Variants in COX15 observed in about 807,000 individuals in gnomAD.
COX15 encodes the protein cytochrome c oxidase assembly factor COX15, also known as heme A synthase COX15.
COX15 carries 51 observed loss-of-function variants against 51.9 expected under a neutral mutation model. The observed-to-expected ratio is 0.98, with a 90% CI of 0.78 to 1.24. The LOEUF is 1.24. COX15 is among the 50% of genes most tolerant of loss of function. The pLI is 0.00. For synonymous variants in COX15, 188 were observed against 190.5 expected (o/e 0.99, Z 0.11); for missense variants, 420 against 501.1 (o/e 0.84, Z 1.55).
Position 99,724,066 on chromosome 10 carries a change from C to T in COX15, c.640G>A (p.Asp214Asn), listed in dbSNP as rs1222613594. The change falls in exon 5 of 9, where the codon GAC becomes AAC. Residue 214 changes from aspartate (D) to asparagine (N), a missense_variant. By Grantham distance (23) the Asp-to-Asn change is conservative (BLOSUM62 1). Transcript: ENST00000016171. ...SGLEEKSDSH[D>N]IPRVSQYRLA... The stretch of plus-strand genomic sequence containing the variant: ...CGGTACTGACTGACCCGAGGGATGT[C>T]ATGGGAGTCTGATTTTTCTTCTAGT... 17 of 1,614,026 alleles carry T rather than the reference C, an allele frequency of 1.1e-5. No individual in the cohort carries two copies. The highest frequency in any genetic ancestry group is 1.4e-5 in the Non-Finnish European group (16 of 1,180,032).
chr10:99,702,235 C>A, the COX15 span, among the ~76,000 whole-genome samples: 130,700 of 152,026 alleles, frequency 0.86, 56,260 homozygotes, highest in Middle Eastern at 0.92. Context: ...CCCAAACATC[C>A]TATAATTACA....
At chr10:99,701,890 A>T in the COX15 span, among the ~76,000 whole-genome samples, 1 of 151,898 alleles carries the variant, frequency 6.6e-6, no homozygotes, top group Non-Finnish European at 1.5e-5. Context: ...TCCACTAAAA[A>T]TACAAAAATT....
intron 5 of COX15, among the ~76,000 whole-genome samples, chr10:99,723,523 G>T (rs551103760): frequency 3.3e-5 from 5 of 152,138 alleles, no homozygotes; most frequent in African/African-American, 1.2e-4. Flanking sequence ...ATTAATGAAG[G>T]CCTCAAAAAA....
In COX15 at chr10:99,711,934, C is replaced by T. The variant is rs1590076202; in HGVS notation, c.*2653G>A. On this transcript the variant is annotated 3_prime_UTR_variant, in exon 9 of 9. Transcript: ENST00000016171. Reference sequence around the variant, plus strand: ...GCTGGCATCTGCTTCTGGTGAGGGCCTCACGAAGCTTACAATCATGGCAGA... The same window carrying T: ...GCTGGCATCTGCTTCTGGTGAGGGCTTCACGAAGCTTACAATCATGGCAGA... The T allele has an allele frequency of 1.6e-6, 1 of 614,336 alleles. No homozygotes were observed. Among genetic ancestry groups the T allele is most frequent in the Non-Finnish European group, 2.0e-6 (1 of 491,090 alleles). 38.1% of individuals were successfully genotyped at this position (614,336 alleles called of 1,614,324 possible). A position where few individuals can be genotyped will look rare whatever the true frequency, so the allele number is the denominator to read the frequency against.
chr10:99,712,927 C>T lies in COX15; in HGVS notation c.*1660G>A, dbSNP rs999263210. 3.0e-5 allele frequency: 24 copies of T among 800,902 alleles called. No homozygotes were observed. Among genetic ancestry groups the T allele is most frequent in the Non-Finnish European group, 3.5e-5 (23 of 658,294 alleles). The allele number at this position is 800,902 out of a possible 1,614,324, so 49.6% of individuals were successfully genotyped here. Reference sequence around the variant, plus strand: ...ACTTCTCAAGGACAGGAATCTTGCTCTCTCTCCAGATGTTCTCTGCTCCAG... The same window carrying T: ...ACTTCTCAAGGACAGGAATCTTGCTTTCTCTCCAGATGTTCTCTGCTCCAG... On this transcript the variant is annotated 3_prime_UTR_variant, in exon 9 of 9. Transcript: ENST00000016171.
chr10:99,723,681 C>G (rs1458216280), intron 5 of COX15, among the ~76,000 whole-genome samples: 1 of 152,136 alleles, frequency 6.6e-6, no homozygotes, highest in Non-Finnish European at 1.5e-5. Context: ...CAATATAGCT[C>G]TTGTCCACAC....
At chr10:99,698,727 G>A in the COX15 span, 5 of 1,614,180 alleles carry the variant, frequency 3.1e-6, no homozygotes, top group Non-Finnish European at 4.2e-6. Context: ...CTCACTCAAT[G>A]GCATATATCA....
At chr10:99,696,313 T>C in the COX15 span, among the ~76,000 whole-genome samples, 1 of 152,212 alleles carries the variant, frequency 6.6e-6, no homozygotes, top group Admixed American at 6.5e-5. Flanking sequence ...TGCATTCTGA[T>C]CTTTGTTATT....
chr10:99,698,152 C>T, the COX15 span, among the ~76,000 whole-genome samples: 7 of 152,180 alleles, frequency 4.6e-5, no homozygotes, highest in Admixed American at 4.6e-4. Flanking sequence ...CAGTCCTTCC[C>T]ACCTCACCCC....
chr10:99,703,579 G>A, the COX15 span, among the ~76,000 whole-genome samples: 153 of 152,358 alleles, frequency 1.0e-3, no homozygotes, highest in African/African-American at 3.1e-3. Context: ...GACTGCTGAA[G>A]AGTGGCTTCT....
At chr10:99,716,490 A>AATGT in intron 7 of COX15, 29 bp from the exon 8 acceptor site, 1 of 1,458,894 alleles carries the variant, frequency 6.9e-7, no homozygotes, top group Non-Finnish European at 9.6e-7. Flanking sequence ...CTATCACATT[A>AATGT]GATAGAAGTG....
the COX15 span, among the ~76,000 whole-genome samples, chr10:99,699,916 C>A: frequency 6.7e-6 from 1 of 148,622 alleles, no homozygotes; most frequent in Non-Finnish European, 1.5e-5. Flanking sequence ...TCCCTGCCTA[C>A]CTTTCTCTTT....
At chr10:99,721,119 G>C in intron 5 of COX15, 51 bp from the exon 6 acceptor site, 2 of 1,485,314 alleles carry the variant, frequency 1.3e-6, no homozygotes, top group Non-Finnish European at 1.9e-6. Flanking sequence ...GGAACAATGA[G>C]AGGCAGCAAA....
chr10:99,718,253 C>T, intron 7 of COX15, 93 bp downstream of exon 7: 1 of 1,358,874 alleles, frequency 7.4e-7, no homozygotes, highest in African/African-American at 1.4e-5. Context: ...TCCTGCTCTA[C>T]CCTCTCAGTG....
intron 4 of COX15, among the ~76,000 whole-genome samples, chr10:99,725,458 A>G (rs765850071): frequency 6.6e-6 from 1 of 152,048 alleles, no homozygotes; most frequent in Non-Finnish European, 1.5e-5. Flanking sequence ...GTTAACTTTC[A>G]TTTTGTTCTA....
Position 99,714,607 on chromosome 10 carries a change from G to T in COX15, c.1213C>A (p.Leu405Ile), listed in dbSNP as rs1391180256. ...AAGAATCATTTTGGGACTCTTCGGAGTTCATTCATCAGCCAAAGAGCACCA... is the reference window on the plus strand; with the variant it reads ...AAGAATCATTTTGGGACTCTTCGGATTTCATTCATCAGCCAAAGAGCACCA... ...LTGALWLMNE[L>I]RRVPK is the part of the protein sequence containing the mutation. The change falls in exon 9 of 9, where the codon CTC becomes ATC. Residue 405 changes from leucine to isoleucine, a missense_variant. By Grantham distance (5) the Leu-to-Ile change is conservative. Coordinates refer to ENST00000016171, the MANE Select transcript of COX15 (RefSeq NM_078470.6). 1 of 1,614,148 alleles carries T rather than the reference G, an allele frequency of 6.2e-7. No homozygotes were observed. The highest frequency in any genetic ancestry group is 2.2e-5 in the East Asian group (1 of 44,882).
chr10:99,729,428 C>G, intron 2 of COX15, 125 bp downstream of exon 2: 2 of 1,050,308 alleles, frequency 1.9e-6, no homozygotes, highest in Non-Finnish European at 1.4e-6. Context: ...CCACTGCACT[C>G]CAGCCTGGCC....
Position 99,713,420 on chromosome 10 carries a change from G to A in COX15, c.*1167C>T. The A allele has an allele frequency of 6.2e-7, 1 of 1,613,954 alleles. No homozygotes were observed. ...GGGTTGCTCCATCCTCAAATCAGATGTTTCTGATGCCTTCATCCAAATCAC... is the reference window on the plus strand; with the variant it reads ...GGGTTGCTCCATCCTCAAATCAGATATTTCTGATGCCTTCATCCAAATCAC... On this transcript the variant is annotated 3_prime_UTR_variant, in exon 9 of 9. Transcript: ENST00000016171.
Position 99,713,463 on chromosome 10 carries a change from T to A in COX15, c.*1124A>T. The A allele has an allele frequency of 6.2e-7, 1 of 1,613,644 alleles. No homozygotes were observed. Among genetic ancestry groups the A allele is most frequent in the Non-Finnish European group, 8.5e-7 (1 of 1,179,904 alleles). On this transcript the variant is annotated 3_prime_UTR_variant, in exon 9 of 9. Transcript: ENST00000016171. ...CAAATCACTGATTTTAAAAGTAAAGTTGAATAAGACAGGGCCCTATGAAAT... is the reference window on the plus strand; with the variant it reads ...CAAATCACTGATTTTAAAAGTAAAGATGAATAAGACAGGGCCCTATGAAAT...
Sources: gnomAD v4.1 joint callset for allele counts (sites outside exome capture counted in the v4.1 genomes callset) on GRCh38, gnomAD v4.1.1 for gene constraint, MANE v1.5 for transcripts, NCBI Gene and HGNC (gene_info 2026-07-23, HGNC 2026-07-21) for gene names.